Variants in LHX6 observed in about 807,000 individuals in gnomAD.
LHX6 encodes LIM homeobox 6.
LHX6 carries 15 observed loss-of-function variants against 47.1 expected under a neutral mutation model. That is an observed-to-expected ratio of 0.32 (90% CI 0.21 to 0.49). The LOEUF (loss-of-function observed/expected upper bound fraction) is 0.49. Among genes scored for constraint, LHX6 ranks in the 20% least tolerant of loss-of-function variants. The pLI is 0.99. For synonymous variants in LHX6, 242 were observed against 233.5 expected (o/e 1.04, Z -0.33); for missense variants, 404 against 539.6 (o/e 0.75, Z 2.49).
In LHX6 at chr9:122,228,784, C is replaced by G. The variant is rs1053032557; in HGVS notation, c.-44G>C. On this transcript the variant is annotated 5_prime_UTR_variant, in exon 1 of 10. Coordinates refer to ENST00000394319, the MANE Select transcript of LHX6 (RefSeq NM_014368.5). Reference sequence around the variant, plus strand: ...CTCAGCGGGCGCGCAGCGCGGAGAGCTGCGCCGAGGGGGACCACAGCCGCA... The same window carrying G: ...CTCAGCGGGCGCGCAGCGCGGAGAGGTGCGCCGAGGGGGACCACAGCCGCA... 1 of 1,207,758 alleles carries G rather than the reference C, an allele frequency of 8.3e-7. No homozygotes were observed. The highest frequency in any genetic ancestry group is 1.0e-6 in the Non-Finnish European group (1 of 964,462). 74.8% of individuals were successfully genotyped at this position (1,207,758 alleles called of 1,614,324 possible). A position where few individuals can be genotyped will look rare whatever the true frequency, so the allele number is the denominator to read the frequency against.
Position 122,209,664 on chromosome 9 carries a change from C to T in LHX6, c.1108G>A (p.Val370Ile), listed in dbSNP as rs771003127. 7.4e-6 allele frequency: 10 copies of T among 1,343,826 alleles called. No homozygotes were observed. The highest frequency in any genetic ancestry group is 1.1e-5 in the Non-Finnish European group (10 of 933,046). 83.2% of individuals were successfully genotyped at this position (1,343,826 alleles called of 1,614,324 possible). A position where few individuals can be genotyped will look rare whatever the true frequency, so the allele number is the denominator to read the frequency against. ...CCATCCATATCGGCTTTGAGGTGGACGGGGGGTGCGGTGTAAGGCAGCCGG... is the reference window on the plus strand; with the variant it reads ...CCATCCATATCGGCTTTGAGGTGGATGGGGGGTGCGGTGTAAGGCAGCCGG... The part of the protein sequence containing the change: ...HCRLPYTAPP[V>I]HLKADMDGPL... The change falls in exon 9 of 10, where the codon GTC becomes ATC. Residue 370 changes from valine to isoleucine, a missense_variant. This residue lies in a region of LHX6 where 127 missense variants were observed against 116.1 expected (regional missense o/e 1.09). Transcript: ENST00000394319.
intron 4 of LHX6, chr9:122,221,292 G>C: frequency 2.0e-6 from 2 of 984,956 alleles, no homozygotes; most frequent in Non-Finnish European, 2.4e-6. Context: ...CCGGCCCCGA[G>C]GCTCCTCCCC....
chr9:122,207,449 G>T (rs1257530441), intron 9 of LHX6, among the ~76,000 whole-genome samples: 4 of 152,168 alleles, frequency 2.6e-5, no homozygotes, highest in Non-Finnish European at 5.9e-5. Flanking sequence ...CAATGAGAAG[G>T]CCATCTCTAT....
Position 122,226,674 on chromosome 9 carries a change from T to C in LHX6, c.339+174A>G. On this transcript the variant is annotated intron_variant, in intron 3 of 9. Coordinates refer to ENST00000394319, the MANE Select transcript of LHX6 (RefSeq NM_014368.5). This position sits in a 1 kb window ranked among gnomAD's most constrained non-coding sequence, Gnocchi z 6.5. ...GAAATGGAAATAAACTCTTCTTATT[T>C]TTCAGACGGAACCCGGGGGCTCAGG... 1.4e-5 allele frequency: 18 copies of C among 1,243,072 alleles called. No homozygotes were observed. The highest frequency in any genetic ancestry group is 2.0e-5 in the Non-Finnish European group (18 of 918,564). The allele number at this position is 1,243,072 out of a possible 1,614,324, so 77.0% of individuals were successfully genotyped here.
intron 5 of LHX6, among the ~76,000 whole-genome samples, chr9:122,216,719 G>A (rs1033035725): frequency 1.3e-5 from 2 of 152,142 alleles, no homozygotes; most frequent in Non-Finnish European, 2.9e-5. Flanking sequence ...CTGTCCAAAG[G>A]TGGAGTAGGC....
chr9:122,221,275 G>A, intron 4 of LHX6: 2 of 985,576 alleles, frequency 2.0e-6, no homozygotes, highest in Middle Eastern at 5.2e-4. Context: ...ACCGCTTCTC[G>A]GAGGTCCCGG....
At chr9:122,219,510 G>A (rs1830739706) in intron 4 of LHX6, among the ~76,000 whole-genome samples, 1 of 152,186 alleles carries the variant, frequency 6.6e-6, no homozygotes, top group Non-Finnish European at 1.5e-5. Flanking sequence ...CCCGGCTGGT[G>A]GTATCCGGAT....
At chr9:122,210,815 G>A (rs143053559) in intron 8 of LHX6, among the ~76,000 whole-genome samples, 3,090 of 152,140 alleles carry the variant, frequency 0.02, 59 homozygotes, top group Non-Finnish European at 0.03. Context: ...TGCCCACCTC[G>A]GCCTCCCAAA....
chr9:122,227,949 T>TCCTGGGGGGGCCCCCCC, intron 1 of LHX6: 1 of 176,980 alleles, frequency 5.7e-6, no homozygotes, highest in Non-Finnish European at 1.2e-5. Flanking sequence ...TTTTTCTCTC[T>TCCTGGGGGGGCCCCCCC]CCACCCGCCC....
chr9:122,212,589 T>G (rs556468138), intron 8 of LHX6, among the ~76,000 whole-genome samples: 8 of 152,174 alleles, frequency 5.3e-5, no homozygotes, highest in Non-Finnish European at 1.0e-4. Context: ...AAAGACAATC[T>G]GTGATAGGCA....
chr9:122,226,301 C>A lies in LHX6; in HGVS notation c.461+75G>T. 2.0e-6 allele frequency: 3 copies of A among 1,530,442 alleles called. No homozygotes were observed. Among genetic ancestry groups the A allele is most frequent in the Non-Finnish European group, 2.6e-6 (3 of 1,137,400 alleles). The allele number at this position is 1,530,442 out of a possible 1,614,324, so 94.8% of individuals were successfully genotyped here. ...CCGGGGTTCTGGAGGAGAGACCACA[C>A]GCCGCAAAAGTGGCCTCCGAATGCG... On this transcript the variant is annotated intron_variant, in intron 4 of 9. Transcript: ENST00000394319. This position sits in a 1 kb window ranked among gnomAD's most constrained non-coding sequence, Gnocchi z 6.5.
chr9:122,225,960 G>A (rs1288283741), intron 4 of LHX6, among the ~76,000 whole-genome samples: 1 of 152,214 alleles, frequency 6.6e-6, no homozygotes, highest in African/African-American at 2.4e-5. Context: ...TGACGTCCGA[G>A]TAGGGTTGGA....
In LHX6 at chr9:122,213,760, C is replaced by T; in HGVS notation, c.900G>A (p.Arg300=). 6.3e-7 allele frequency: 1 copy of T among 1,597,852 alleles called. No homozygotes were observed. The highest frequency in any genetic ancestry group is 1.1e-5 in the South Asian group (1 of 89,332). Residue 300 remains arginine, a synonymous_variant, in exon 8 of 10, where the codon CGG becomes CGA. Transcript: ENST00000394319. The surrounding 1 kb of genome is among the most constrained non-coding windows in gnomAD (Gnocchi z 5.5). The part of the protein sequence containing the change: ...RVIQVWFQNC[R]ARHKKHTPQH... ...GCGGCGTGTGCTTTTTATGACGCGC[C>T]CGGCAGTTTTGAAACCACACCTGGA...
chr9:122,214,264 C>T lies in LHX6; in HGVS notation c.783+19G>A. 1.0e-5 allele frequency: 16 copies of T among 1,576,372 alleles called. No homozygotes were observed. The highest frequency in any genetic ancestry group is 1.4e-5 in the Non-Finnish European group (16 of 1,167,002). ...TCGGCCCGGCCCCCGCCCCCGCCGC[C>T]CACTGCTTGCAGCGGTACCTGCAGC... is the stretch of plus-strand genomic sequence containing the variant. On this transcript the variant is annotated intron_variant, in intron 6 of 9. Coordinates refer to ENST00000394319, the MANE Select transcript of LHX6 (RefSeq NM_014368.5). The surrounding 1 kb of genome is among the most constrained non-coding windows in gnomAD (Gnocchi z 4.6).
chr9:122,220,188 T>A lies in LHX6; in HGVS notation c.462-2900A>T, dbSNP rs117879957. Reference sequence around the variant, plus strand: ...AGGTAGGTCAGTCACAGTGTCCTCATACCCTTGGTCCGAGGTAGGCGCCGC... The same window carrying A: ...AGGTAGGTCAGTCACAGTGTCCTCAAACCCTTGGTCCGAGGTAGGCGCCGC... On this transcript the variant is annotated intron_variant, in intron 4 of 9. Transcript: ENST00000394319. Among the ~76,000 whole-genome samples the A allele has an allele frequency of 2.9e-3, 448 of 152,352 alleles. 1 individual carries two copies. Among genetic ancestry groups the A allele is most frequent in the Non-Finnish European group, 4.7e-3 (320 of 68,026 alleles).
At chr9:122,212,150 C>A (rs1830421115) in intron 8 of LHX6, among the ~76,000 whole-genome samples, 1 of 152,166 alleles carries the variant, frequency 6.6e-6, no homozygotes, top group Non-Finnish European at 1.5e-5. Context: ...GTTTGATGCT[C>A]AGAACACTGC....
Position 122,213,524 on chromosome 9 carries a change from G to A in LHX6, c.1054+82C>T. On this transcript the variant is annotated intron_variant, in intron 8 of 9. Coordinates refer to ENST00000394319, the MANE Select transcript of LHX6 (RefSeq NM_014368.5). This position sits in a 1 kb window ranked among gnomAD's most constrained non-coding sequence, Gnocchi z 5.5. ...GGCTCCCCAAGGCCCTCCACCCCACGCCTCGGCCTCAGCCGCCCACGTGCG... is the reference window on the plus strand; with the variant it reads ...GGCTCCCCAAGGCCCTCCACCCCACACCTCGGCCTCAGCCGCCCACGTGCG... 1 of 1,304,900 alleles carries A rather than the reference G, an allele frequency of 7.7e-7. No individual in the cohort carries two copies. The highest frequency in any genetic ancestry group is 1.0e-6 in the Non-Finnish European group (1 of 973,330). 80.8% of individuals were successfully genotyped at this position (1,304,900 alleles called of 1,614,324 possible). A position where few individuals can be genotyped will look rare whatever the true frequency, so the allele number is the denominator to read the frequency against.
intron 4 of LHX6, chr9:122,220,958 G>A (rs983447025): frequency 1.7e-5 from 6 of 354,262 alleles, no homozygotes; most frequent in African/African-American, 4.4e-5. Context: ...GCCCATCTGA[G>A]TTTCACCTCG....
intron 8 of LHX6, among the ~76,000 whole-genome samples, chr9:122,211,411 A>G (rs1173295468): frequency 1.3e-5 from 2 of 152,232 alleles, no homozygotes; most frequent in African/African-American, 2.4e-5. Flanking sequence ...AGCTTTTATC[A>G]GATTCCAAGC....
Sources: gnomAD v4.1 joint callset for allele counts (sites outside exome capture counted in the v4.1 genomes callset) on GRCh38, gnomAD v4.1.1 for gene constraint, gnomAD v4.1.1 regional missense constraint, Gnocchi (gnomAD v3.1) non-coding constraint, MANE v1.5 for transcripts, NCBI Gene and HGNC (gene_info 2026-07-23, HGNC 2026-07-21) for gene names.